The following PARD3 variants were observed in gnomAD, a reference collection of about 807,000 sequenced individuals.
PARD3 encodes par-3 family cell polarity regulator.
PARD3 carries 75 observed loss-of-function variants against 155.4 expected under a neutral mutation model. The observed-to-expected ratio is 0.48, with a 90% confidence interval of 0.40 to 0.58. The LOEUF is 0.58. Among genes scored for constraint, PARD3 ranks in the 20% least tolerant of loss-of-function variants. The pLI is 0.00. For synonymous variants in PARD3, 576 were observed against 610.5 expected (o/e 0.94, Z 0.83); for missense variants, 1,642 against 1,721.7 (o/e 0.95, Z 0.82).
At chr10:34,735,375 T>G (rs911903817) in intron 1 of PARD3, among the ~76,000 whole-genome samples, 4 of 152,170 alleles carry the variant, frequency 2.6e-5, no homozygotes, top group African/African-American at 9.7e-5. Context: ...TAGGTTCATA[T>G]GACAAGATAT....
chr10:34,360,050 C>T, intron 13 of PARD3, 21 bp downstream of exon 13: 3 of 1,592,454 alleles, frequency 1.9e-6, no homozygotes, highest in Non-Finnish European at 2.6e-6. Flanking sequence ...TAGGCATACG[C>T]ATGATAAAGT....
At chr10:34,403,121 G>T (rs1167446645) in intron 5 of PARD3, among the ~76,000 whole-genome samples, 1 of 152,090 alleles carries the variant, frequency 6.6e-6, no homozygotes, top group Non-Finnish European at 1.5e-5. Flanking sequence ...ATCATGCCTA[G>T]GAATCTCTGT....
chr10:34,643,884 T>C (rs1438786613), intron 2 of PARD3, among the ~76,000 whole-genome samples: 3 of 152,134 alleles, frequency 2.0e-5, no homozygotes, highest in Non-Finnish European at 4.4e-5. Context: ...ACCACTGCAC[T>C]CTACCCTGGG....
intron 22 of PARD3, among the ~76,000 whole-genome samples, chr10:34,170,880 T>C (rs1008317503): frequency 6.6e-6 from 1 of 152,236 alleles, no homozygotes; most frequent in Non-Finnish European, 1.5e-5. Context: ...ATCTGTCATA[T>C]GAATATGTAT....
chr10:34,285,659 G>T (rs769074315), intron 20 of PARD3, among the ~76,000 whole-genome samples: 17 of 151,712 alleles, frequency 1.1e-4, no homozygotes, highest in Non-Finnish European at 2.4e-4. Flanking sequence ...TTCTATTAAT[G>T]GCTTGGTTGA....
At chr10:34,708,127 ACTT>A (rs1476138327) in intron 1 of PARD3, among the ~76,000 whole-genome samples, 2 of 152,158 alleles carry the variant, frequency 1.3e-5, no homozygotes, top group African/African-American at 4.8e-5. Context: ...ACATAGCCTC[ACTT>A]CTTCTTTACA....
chr10:34,440,584 C>A (rs1002681801), intron 5 of PARD3, among the ~76,000 whole-genome samples: 1 of 152,154 alleles, frequency 6.6e-6, no homozygotes, highest in Admixed American at 6.6e-5. Flanking sequence ...CAGCTCCTAA[C>A]AGACTTCCCC....
At chr10:34,559,440 T>TA (rs796329835) in intron 2 of PARD3, among the ~76,000 whole-genome samples, 25 of 101,336 alleles carry the variant, frequency 2.5e-4, no homozygotes, top group Middle Eastern at 5.9e-3. Flanking sequence ...ATTTTTCTCC[T>TA]AAAAAAAAAT....
intron 14 of PARD3, among the ~76,000 whole-genome samples, chr10:34,353,469 A>T (rs1838418691): frequency 6.6e-6 from 1 of 152,234 alleles, no homozygotes; most frequent in Admixed American, 6.5e-5. Context: ...GGTTAAATGG[A>T]TTAAGGGCGG....
intron 1 of PARD3, among the ~76,000 whole-genome samples, chr10:34,782,613 T>C (rs932194543): frequency 6.6e-6 from 1 of 152,220 alleles, no homozygotes; most frequent in Non-Finnish European, 1.5e-5. Context: ...TAAAACACTG[T>C]TACCTCTACC....
intron 1 of PARD3, among the ~76,000 whole-genome samples, chr10:34,718,934 G>T (rs2094562678): frequency 6.6e-6 from 1 of 152,068 alleles, no homozygotes; most frequent in African/African-American, 2.4e-5. Flanking sequence ...CTGCACTCAA[G>T]CCTGGGGGAC....
At position 34,218,751 on chromosome 10, in the gene PARD3, T is replaced by C. The variant is rs1952133099; in HGVS notation, c.3419+50906A>G. Among the ~76,000 whole-genome samples, 3 of 134,432 alleles carry C rather than the reference T, an allele frequency of 2.2e-5. No individual in the cohort carries two copies. In the Admixed American group the frequency reaches 2.5e-4, roughly 11 times the overall value. The allele number at this position is 134,432 out of a possible 152,430, so 88.2% of individuals were successfully genotyped here. On this transcript the variant is annotated intron_variant, in intron 22 of 24. Coordinates refer to ENST00000374788, the MANE Select transcript of PARD3 (RefSeq NM_001184785.2). ...TGGAGAGGTCATGGAGGACAGGAGATGAGGAGGGCATGGGAAATGGGGGAT... is the reference window on the plus strand; with the variant it reads ...TGGAGAGGTCATGGAGGACAGGAGACGAGGAGGGCATGGGAAATGGGGGAT...
In PARD3 at chr10:34,575,151, G is replaced by A. The variant is rs2086783620; in HGVS notation, c.223-57992C>T. 2.0e-5 allele frequency among the ~76,000 whole-genome samples: 3 copies of A among 152,134 alleles called. No homozygotes were observed. The South Asian group carries it at 6.2e-4, about 32-fold the overall frequency. On this transcript the variant is annotated intron_variant, in intron 2 of 24. Coordinates refer to ENST00000374788, the MANE Select transcript of PARD3 (RefSeq NM_001184785.2). ...TAAGCCATCATGCCTGGCCTTAAAT[G>A]TACTGTTTCTTAATGAAAGTAAAAC... is the stretch of plus-strand genomic sequence containing the variant.
intron 2 of PARD3, among the ~76,000 whole-genome samples, chr10:34,681,484 C>T (rs1590616244): frequency 6.6e-6 from 1 of 151,606 alleles, no homozygotes; most frequent in East Asian, 1.9e-4. Context: ...ATATTCCCAC[C>T]TACATATGGG....
At chr10:34,357,167 G>A (rs1196421864) in intron 14 of PARD3, among the ~76,000 whole-genome samples, 1 of 152,100 alleles carries the variant, frequency 6.6e-6, no homozygotes, top group Non-Finnish European at 1.5e-5. Flanking sequence ...CTATTTGGGG[G>A]GAACAATAGG....
In PARD3 at chr10:34,362,586, C is replaced by T. The variant is rs370120514; in HGVS notation, c.1708-2327G>A. ...CACTACTCACTACACCTTTGACCTC[C>T]CCAGGCTCAGGTGATCCTCCCACTG... is the stretch of plus-strand genomic sequence containing the variant. On this transcript the variant is annotated intron_variant, in intron 12 of 24. Transcript: ENST00000374788. Among the ~76,000 whole-genome samples, 3 of 152,120 alleles carry T rather than the reference C, an allele frequency of 2.0e-5. No homozygotes were observed. The South Asian group carries it at 6.2e-4, about 32-fold the overall frequency.
chr10:34,252,693 AAT>A (rs1432686861), intron 22 of PARD3, among the ~76,000 whole-genome samples: 4 of 152,114 alleles, frequency 2.6e-5, no homozygotes, highest in African/African-American at 4.8e-5. Flanking sequence ...AACTTCTGTG[AAT>A]ATATATGTTT....
intron 12 of PARD3, among the ~76,000 whole-genome samples, chr10:34,363,321 A>T (rs531002866): frequency 2.1e-5 from 2 of 93,058 alleles, no homozygotes; most frequent in Admixed American, 1.9e-4. Context: ...TCTCCAGGGG[A>T]TAGTTTATTT....
chr10:34,303,533 A>G (rs536852922), intron 20 of PARD3, among the ~76,000 whole-genome samples: 3 of 152,278 alleles, frequency 2.0e-5, no homozygotes, highest in East Asian at 3.8e-4. Context: ...AAAAGGAAAG[A>G]AATCTGAAAT....
Sources: allele counts gnomAD v4.1 joint callset (sites outside exome capture counted in the v4.1 genomes callset), GRCh38; gene constraint gnomAD v4.1.1; transcripts MANE v1.5; gene names NCBI Gene and HGNC (gene_info 2026-07-23, HGNC 2026-07-21).